The following CALN1 variants were observed in gnomAD, a reference collection of about 807,000 sequenced individuals.
CALN1 encodes the protein calneuron 1, also known as calcium-binding protein 8.
A neutral mutation model predicts 30.6 loss-of-function variants in CALN1; 17 were observed. The observed-to-expected ratio is 0.56, with a 90% CI of 0.38 to 0.83. CALN1 has a LOEUF of 0.83. Among genes scored for constraint, CALN1 ranks in the 40% least tolerant of loss-of-function variants. The pLI, the probability that CALN1 is intolerant of heterozygous loss-of-function variation, is 0.00. For synonymous variants in CALN1, 156 were observed against 131.4 expected (o/e 1.19, Z -1.28); for missense variants, 291 against 354.9 (o/e 0.82, Z 1.45).
At chr7:72,294,084 C>A (rs56150095) in intron 2 of CALN1, among the ~76,000 whole-genome samples, 72,249 of 151,782 alleles carry the variant, frequency 0.48, 17,955 homozygotes, top group South Asian at 0.68. Context: ...GGCGACAGAG[C>A]ATATCCACAA....
intron 3 of CALN1, among the ~76,000 whole-genome samples, chr7:72,143,023 G>GA (rs1563094064): frequency 6.6e-6 from 1 of 152,066 alleles, no homozygotes; most frequent in Non-Finnish European, 1.5e-5. Context: ...CAAAGATGGG[G>GA]AAAAAACAGA....
chr7:72,101,086 C>A (rs774488131), intron 4 of CALN1, among the ~76,000 whole-genome samples: 1 of 151,838 alleles, frequency 6.6e-6, no homozygotes, highest in Non-Finnish European at 1.5e-5. Flanking sequence ...GCCTTAGCCT[C>A]CCGAGTAGCT....
chr7:71,993,927 T>A (rs952077693), intron 5 of CALN1, among the ~76,000 whole-genome samples: 2 of 152,166 alleles, frequency 1.3e-5, no homozygotes, highest in African/African-American at 4.8e-5. Context: ...ATATGAAGCA[T>A]TTTTACTACA....
At chr7:72,432,199 G>A (rs1808000271) in intron 1 of CALN1, among the ~76,000 whole-genome samples, 1 of 152,084 alleles carries the variant, frequency 6.6e-6, no homozygotes, top group African/African-American at 2.4e-5. Context: ...GAGACCTGAT[G>A]GTTCTATAAA....
chr7:72,034,082 G>T (rs1372428831), intron 4 of CALN1, among the ~76,000 whole-genome samples: 1 of 152,080 alleles, frequency 6.6e-6, no homozygotes, highest in Non-Finnish European at 1.5e-5. Context: ...GGCCAGGTGC[G>T]GTGGCTCACG....
At chr7:72,500,320 G>T in the CALN1 span, among the ~76,000 whole-genome samples, 1 of 103,796 alleles carries the variant, frequency 9.6e-6, no homozygotes. Flanking sequence ...TCACTCCGTC[G>T]CCCAGGCTGG....
At chr7:72,113,347 C>T (rs1807710740) in intron 3 of CALN1, among the ~76,000 whole-genome samples, 1 of 152,200 alleles carries the variant, frequency 6.6e-6, no homozygotes, top group Non-Finnish European at 1.5e-5. Flanking sequence ...ACTGGCTCCC[C>T]TTTGCCTTTC....
At chr7:72,297,303 T>C (rs1798931667) in intron 2 of CALN1, among the ~76,000 whole-genome samples, 1 of 151,464 alleles carries the variant, frequency 6.6e-6, no homozygotes, top group Admixed American at 6.6e-5. Flanking sequence ...ACAAAATAAA[T>C]TAAGAAAATA....
intron 4 of CALN1, among the ~76,000 whole-genome samples, chr7:72,090,888 GAGAA>G (rs1342983402): frequency 6.6e-6 from 1 of 152,176 alleles, no homozygotes; most frequent in African/African-American, 2.4e-5. Context: ...TGAACTCGTG[GAGAA>G]AGAGAGTAGA....
intron 5 of CALN1, among the ~76,000 whole-genome samples, chr7:71,841,053 G>A (rs1789912438): frequency 1.3e-5 from 2 of 152,064 alleles, no homozygotes; most frequent in African/African-American, 4.8e-5. Context: ...GAGACGTTTT[G>A]CAAACAACCA....
chr7:72,078,070 T>C (rs1366074018), intron 4 of CALN1, among the ~76,000 whole-genome samples: 2 of 152,152 alleles, frequency 1.3e-5, no homozygotes, highest in South Asian at 2.1e-4. Context: ...GGTATGTAAA[T>C]GAGGGAAGAA....
At chr7:72,017,514 G>A (rs149274446) in intron 5 of CALN1, among the ~76,000 whole-genome samples, 1 of 152,150 alleles carries the variant, frequency 6.6e-6, no homozygotes, top group Non-Finnish European at 1.5e-5. Context: ...ACAGCTGTGG[G>A]ATAAACAAGC....
chr7:72,015,973 G>T (rs938723586), intron 5 of CALN1, among the ~76,000 whole-genome samples: 1 of 152,088 alleles, frequency 6.6e-6, no homozygotes, highest in Non-Finnish European at 1.5e-5. Context: ...GAGAGGCCAG[G>T]CACGGTGGCT....
intron 3 of CALN1, among the ~76,000 whole-genome samples, chr7:72,121,272 TTA>T (rs1369488027): frequency 7.7e-6 from 1 of 130,476 alleles, no homozygotes; most frequent in African/African-American, 2.8e-5. Flanking sequence ...TATATCTATA[TTA>T]TATAATAATA....
intron 5 of CALN1, among the ~76,000 whole-genome samples, chr7:71,991,437 C>A (rs1798946691): frequency 1.3e-5 from 2 of 149,768 alleles, no homozygotes; most frequent in Non-Finnish European, 1.5e-5. Context: ...GCAGTCTGGG[C>A]AACAGAGTGA....
At chr7:72,371,872 C>T (rs1804265847) in intron 2 of CALN1, among the ~76,000 whole-genome samples, 1 of 152,170 alleles carries the variant, frequency 6.6e-6, no homozygotes, top group Non-Finnish European at 1.5e-5. Context: ...CCCATGAATG[C>T]AGTGATAAAA....
At position 72,341,036 on chromosome 7, in the gene CALN1, A is replaced by AC. The variant is rs1236898613; in HGVS notation, c.119+62214_119+62215insG. On this transcript the variant is annotated intron_variant, in intron 2 of 6. Coordinates refer to ENST00000395275, the MANE Select transcript of CALN1 (RefSeq NM_031468.4). ...TGTCTTTATCAGCAATGTGAAAACGAATTCATACAGAAGGTATTATATTTA... is the reference window on the plus strand; with the variant it reads ...TGTCTTTATCAGCAATGTGAAAACGACATTCATACAGAAGGTATTATATTTA... Among the ~76,000 whole-genome samples, 123 of 152,294 alleles carry AC rather than the reference A, an allele frequency of 8.1e-4. 1 individual carries two copies. Among genetic ancestry groups the AC allele is most frequent in the Non-Finnish European group, 7.6e-4 (52 of 68,026 alleles).
intron 2 of CALN1, among the ~76,000 whole-genome samples, chr7:72,361,748 A>C (rs761009787): frequency 1.3e-5 from 2 of 152,194 alleles, no homozygotes; most frequent in Non-Finnish European, 2.9e-5. Context: ...GAAAGGAATA[A>C]TCTATTTCTT....
intron 3 of CALN1, among the ~76,000 whole-genome samples, chr7:72,278,433 C>T (rs1797495707): frequency 6.8e-6 from 1 of 146,960 alleles, no homozygotes; most frequent in Non-Finnish European, 1.5e-5. Context: ...CCAAGGAAAC[C>T]GAAATATCCA....
Sources: allele counts gnomAD v4.1 joint callset (sites outside exome capture counted in the v4.1 genomes callset), GRCh38; gene constraint gnomAD v4.1.1; transcripts MANE v1.5; gene names NCBI Gene and HGNC (gene_info 2026-07-23, HGNC 2026-07-21).